ZNF107: variants seen among roughly 807,000 people sequenced by gnomAD.
ZNF107 encodes C2H2 type zinc-finger protein.
A neutral mutation model predicts 12.3 loss-of-function variants in ZNF107; 19 were observed. The observed-to-expected ratio is 1.55, with a 90% CI of 1.08 to 2.27. ZNF107 has a LOEUF of 2.27. Among genes scored for constraint, ZNF107 ranks in the 30% most tolerant of loss-of-function variants. ZNF107 has a pLI of 0.00. For missense variants in ZNF107, 958 were observed against 979.9 expected (o/e 0.98, Z 0.30); for synonymous variants, 317 against 330.5 (o/e 0.96, Z 0.44).
intron 3 of ZNF107, among the ~76,000 whole-genome samples, chr7:64,695,391 T>C (rs576080580): frequency 6.6e-6 from 1 of 152,318 alleles, no homozygotes; most frequent in African/African-American, 2.4e-5. Flanking sequence ...ATTGCAGTTA[T>C]CTAGACAAAT....
Position 64,691,886 on chromosome 7 carries a change from A to C in ZNF107, c.152A>C (p.Tyr51Ser), listed in dbSNP as rs1790129711. Reference protein sequence around the residue: ...VFLGIAVSKPYLITCLEQKKE... With the variant: ...VFLGIAVSKPSLITCLEQKKE... ...ACAGGTATTGCTGTCTCTAAGCCAT[A>C]TCTGATCACCTGTCTGGAGCAAAAA... Residue 51 changes from tyrosine to serine, a missense_variant, in exon 3 of 4, where the codon TAT becomes TCT. Physicochemically the swap from Tyr to Ser is moderately radical, Grantham distance 144 (BLOSUM62 -2). Coordinates refer to ENST00000620827, the MANE Select transcript of ZNF107 (RefSeq NM_001282359.2). 5.4e-6 allele frequency: 8 copies of C among 1,494,820 alleles called. No individual in the cohort carries two copies. The highest frequency in any genetic ancestry group is 7.1e-6 in the Non-Finnish European group (8 of 1,129,916). The allele number at this position is 1,494,820 out of a possible 1,614,324, so 92.6% of individuals were successfully genotyped here. A position where few individuals can be genotyped will look rare whatever the true frequency, so the allele number is the denominator to read the frequency against.
chr7:64,703,939 C>A (rs1054667389), intron 3 of ZNF107, among the ~76,000 whole-genome samples: 1 of 151,304 alleles, frequency 6.6e-6, no homozygotes, highest in Non-Finnish European at 1.5e-5. Flanking sequence ...TGTATATCTA[C>A]ACAGATATAT....
chr7:64,707,091 AAG>A lies in ZNF107; in HGVS notation c.998_999del (p.Arg333AsnfsTer11). On this transcript the variant is annotated frameshift_variant, in exon 4 of 4. Transcript: ENST00000620827. LOFTEE classifies it low-confidence loss of function (END_TRUNC). ...CCTATTCTCAAATCTTACTAACCAT[AAG>A]AGAATTCATGCTGGGGAGAAACCCT... is the stretch of plus-strand genomic sequence containing the variant. ...FNLFSNLTNH[K>X]RIHAGEKPYK... 1 of 1,612,546 alleles carries A rather than the reference AAG, an allele frequency of 6.2e-7. No individual in the cohort carries two copies. The highest frequency in any genetic ancestry group is 8.5e-7 in the Non-Finnish European group (1 of 1,179,500).
At chr7:64,697,890 C>T (rs1219538408) in intron 3 of ZNF107, among the ~76,000 whole-genome samples, 1 of 152,134 alleles carries the variant, frequency 6.6e-6, no homozygotes, top group Non-Finnish European at 1.5e-5. Context: ...GACGGGGTTT[C>T]ACCGTGGTCT....
rs1199920034 is a variant in ZNF107, at chr7:64,708,349, A to G, written c.2252A>G (p.His751Arg). ...AFNLSSTLTA[H>R]KKIHTGEKPY... is the part of the protein sequence containing the mutation. ...AACCTATCCTCAACCCTTACTGCACATAAGAAAATTCATACTGGAGAGAAA... is the reference window on the plus strand; with the variant it reads ...AACCTATCCTCAACCCTTACTGCACGTAAGAAAATTCATACTGGAGAGAAA... Residue 751 changes from histidine to arginine, a missense_variant, in exon 4 of 4, where the codon CAT (histidine) becomes CGT (arginine). His to Arg is a conservative substitution (Grantham distance 29, BLOSUM62 0). Transcript: ENST00000620827. The G allele has an allele frequency of 6.2e-7, 1 of 1,613,374 alleles. No individual in the cohort carries two copies. Among genetic ancestry groups the G allele is most frequent in the East Asian group, 2.2e-5 (1 of 44,840 alleles).
At chr7:64,676,382 A>G (rs569544946) in intron 1 of ZNF107, among the ~76,000 whole-genome samples, 15 of 152,332 alleles carry the variant, frequency 9.8e-5, no homozygotes, top group African/African-American at 2.6e-4. Flanking sequence ...GTAGCTGTCT[A>G]TTAGGACTAT....
At chr7:64,687,113 T>C (rs1386132191) in intron 1 of ZNF107, 33 of 985,360 alleles carry the variant, frequency 3.3e-5, no homozygotes, top group South Asian at 4.7e-5. Context: ...TCTTTTTTTT[T>C]CCCTCTCAAT....
intron 1 of ZNF107, among the ~76,000 whole-genome samples, chr7:64,680,020 C>A (rs1303479364): frequency 6.6e-6 from 1 of 152,168 alleles, no homozygotes; most frequent in Non-Finnish European, 1.5e-5. Context: ...CCTGCCCGTC[C>A]GACTCCGGTC....
intron 1 of ZNF107, among the ~76,000 whole-genome samples, chr7:64,684,268 A>T (rs2128960536): frequency 6.6e-6 from 1 of 152,252 alleles, no homozygotes; most frequent in East Asian, 1.9e-4. Flanking sequence ...CTCATCCCAG[A>T]CACCAGTCCT....
Position 64,687,370 on chromosome 7 carries a change from G to A in ZNF107, c.4-3878G>A, listed in dbSNP as rs73698907. 8.3e-3 allele frequency: 8,165 copies of A among 985,348 alleles called. 530 individuals are homozygous for A. In the African/African-American group the frequency reaches 0.13, roughly 16 times the overall value. 61.0% of individuals were successfully genotyped at this position (985,348 alleles called of 1,614,324 possible). A position where few individuals can be genotyped will look rare whatever the true frequency, so the allele number is the denominator to read the frequency against. On this transcript the variant is annotated intron_variant, in intron 1 of 3. Coordinates refer to ENST00000620827, the MANE Select transcript of ZNF107 (RefSeq NM_001282359.2). ...TATTGTGAAGGTGCAATTCTACCCA[G>A]GAGGCCTGCAGGCTCTCCTCCTGCA...
chr7:64,687,096 A>G, intron 1 of ZNF107: 1 of 985,208 alleles, frequency 1.0e-6, no homozygotes, highest in Non-Finnish European at 1.2e-6. Context: ...TTTTCTTAAG[A>G]TGCTTTTCTT....
intron 1 of ZNF107, chr7:64,690,237 A>G (rs1342603693): frequency 8.3e-6 from 3 of 362,518 alleles, no homozygotes; most frequent in South Asian, 1.1e-4. Context: ...CTAAGAATAC[A>G]TATTTATCTT....
rs1790834400 is a variant in ZNF107 at position 64,710,081 on chromosome 7, T to G, written c.*1425T>G. On this transcript the variant is annotated 3_prime_UTR_variant, in exon 4 of 4. Transcript: ENST00000620827. ...AGGCGAAGATTGCAGTGAGCTGAAA[T>G]CACACCACTACACTCCAGCCAAAGC... 2 of 201,244 alleles carry G rather than the reference T, an allele frequency of 9.9e-6. No homozygotes were observed. Among genetic ancestry groups the G allele is most frequent in the Non-Finnish European group, 2.0e-5 (2 of 99,296 alleles). The allele number at this position is 201,244 out of a possible 1,614,324, so 12.5% of individuals were successfully genotyped here.
At chr7:64,704,239 C>G (rs938798671) in intron 3 of ZNF107, among the ~76,000 whole-genome samples, 36 of 151,784 alleles carry the variant, frequency 2.4e-4, no homozygotes, top group African/African-American at 8.7e-4. Context: ...CATATCTTTC[C>G]CAGAAAGTTA....
At position 64,687,360 on chromosome 7, in the gene ZNF107, A is replaced by G. The variant is rs1179810852; in HGVS notation, c.4-3888A>G. 9.1e-6 allele frequency: 9 copies of G among 985,306 alleles called. No individual in the cohort carries two copies. In the South Asian group the frequency reaches 1.4e-4, roughly 15 times the overall value. 61.0% of individuals were successfully genotyped at this position (985,306 alleles called of 1,614,324 possible). A position where few individuals can be genotyped will look rare whatever the true frequency, so the allele number is the denominator to read the frequency against. ...CCATTCCCATTATTGTGAAGGTGCAATTCTACCCAGGAGGCCTGCAGGCTC... is the reference window on the plus strand; with the variant it reads ...CCATTCCCATTATTGTGAAGGTGCAGTTCTACCCAGGAGGCCTGCAGGCTC... On this transcript the variant is annotated intron_variant, in intron 1 of 3. Coordinates refer to ENST00000620827, the MANE Select transcript of ZNF107 (RefSeq NM_001282359.2).
At chr7:64,689,863 A>T (rs1790056973) in intron 1 of ZNF107, 1 of 152,172 alleles carries the variant, frequency 6.6e-6, no homozygotes, top group African/African-American at 2.4e-5. Context: ...CTCCCCTCAT[A>T]CAAGAGATGT....
At chr7:64,686,580 G>T in intron 1 of ZNF107, 1 of 985,330 alleles carries the variant, frequency 1.0e-6, no homozygotes, top group Non-Finnish European at 1.2e-6. Flanking sequence ...CACAAATATG[G>T]CTGCATTATT....
intron 2 of ZNF107, 73 bp downstream of exon 2, chr7:64,691,447 T>G: frequency 1.6e-6 from 2 of 1,270,106 alleles, no homozygotes; most frequent in Non-Finnish European, 2.0e-6. Flanking sequence ...TAGACTGTTT[T>G]CTGGTAATTT....
chr7:64,679,274 C>T, intron 1 of ZNF107: 1 of 985,098 alleles, frequency 1.0e-6, no homozygotes, highest in African/African-American at 1.7e-5. Flanking sequence ...CTTGAAGAGA[C>T]CCACCCGCGA....
Sources: gnomAD v4.1 joint callset for allele counts (sites outside exome capture counted in the v4.1 genomes callset) on GRCh38, gnomAD v4.1.1 for gene constraint, MANE v1.5 for transcripts, NCBI Gene and HGNC (gene_info 2026-07-23, HGNC 2026-07-21) for gene names.